The following GNAQ variants were observed in gnomAD, a reference collection of about 807,000 sequenced individuals.
GNAQ encodes guanine nucleotide-binding protein G(q) subunit alpha.
Under a neutral mutation model 43.9 loss-of-function variants are expected in GNAQ, and 8 were observed. The ratio of observed to expected loss-of-function variants is 0.18; its 90% CI spans 0.11 to 0.33. GNAQ has a LOEUF of 0.33. GNAQ is among the 10% of genes least tolerant of loss of function. GNAQ has a pLI of 1.00. For synonymous variants in GNAQ, 155 were observed against 170.7 expected (o/e 0.91, Z 0.71); for missense variants, 158 against 450.8 (o/e 0.35, Z 5.88).
chr9:77,743,141 C>T (rs1825678780), intron 5 of GNAQ, among the ~76,000 whole-genome samples: 1 of 152,094 alleles, frequency 6.6e-6, no homozygotes, highest in Non-Finnish European at 1.5e-5. Flanking sequence ...GCCTGTAGTC[C>T]CAGCTACTCA....
chr9:77,882,642 G>A (rs1230786011), intron 2 of GNAQ, among the ~76,000 whole-genome samples: 1 of 152,062 alleles, frequency 6.6e-6, no homozygotes, highest in African/African-American at 2.4e-5. Flanking sequence ...TTCACCACGA[G>A]GTTCATGAAA....
rs1362009464 is a variant in GNAQ, at chr9:77,815,700, G to C, written c.392C>G (p.Ala131Gly). The change falls in exon 3 of 7, where the codon GCA (alanine) becomes GGA (glycine). Residue 131 changes from alanine to glycine, a missense_variant. Physicochemically the swap from Ala to Gly is moderately conservative, Grantham distance 60. Around this residue, in one of 9 missense-constraint regions of GNAQ, gnomAD observed 57 missense variants for 78.2 expected, o/e 0.73. Coordinates refer to ENST00000286548, the MANE Select transcript of GNAQ (RefSeq NM_002072.5). ...AGGATCATTCCATAAACTCTTTATT[G>C]CATCTACATATGGATTCTCAAAAGC... ...VSAFENPYVD[A>G]IKSLWNDPGI... 1 of 1,593,086 alleles carries C rather than the reference G, an allele frequency of 6.3e-7. No homozygotes were observed. Among genetic ancestry groups the C allele is most frequent in the Non-Finnish European group, 8.6e-7 (1 of 1,161,264 alleles).
At position 77,815,756 on chromosome 9, in the gene GNAQ, T is replaced by G; in HGVS notation, c.336A>C (p.Leu112Phe). Residue 112 changes from leucine to phenylalanine, a missense_variant, in exon 3 of 7, where the codon TTA becomes TTC. Transcript: ENST00000286548. ...CCTTCTCCACATCAACTTCTCGAAC[T>G]AATTGTGCATGAGCCTGTTTAAATA... ...KYEHNKAHAQLVREVDVEKVS... is the reference protein window; with the variant it reads ...KYEHNKAHAQFVREVDVEKVS... The G allele has an allele frequency of 6.2e-7, 1 of 1,611,442 alleles. No individual in the cohort carries two copies. The highest frequency in any genetic ancestry group is 8.5e-7 in the Non-Finnish European group (1 of 1,178,198).
chr9:77,951,707 C>T (rs1822979974), intron 1 of GNAQ, among the ~76,000 whole-genome samples: 1 of 152,176 alleles, frequency 6.6e-6, no homozygotes, highest in South Asian at 2.1e-4. Context: ...CATAGATGAG[C>T]TCCAAGGCCT....
At chr9:77,807,873 T>C (rs943977329) in intron 3 of GNAQ, among the ~76,000 whole-genome samples, 3 of 152,190 alleles carry the variant, frequency 2.0e-5, no homozygotes, top group African/African-American at 7.2e-5. Context: ...GTTACAACTA[T>C]CTGACTCTCC....
chr9:77,757,271 T>C (rs1363944059), intron 5 of GNAQ, among the ~76,000 whole-genome samples: 1 of 152,222 alleles, frequency 6.6e-6, no homozygotes, highest in East Asian at 1.9e-4. Flanking sequence ...CAACTTTTTT[T>C]CTAAATCGGC....
At chr9:78,013,678 A>G (rs902210267) in intron 1 of GNAQ, among the ~76,000 whole-genome samples, 12 of 152,218 alleles carry the variant, frequency 7.9e-5, no homozygotes, top group African/African-American at 2.7e-4. Flanking sequence ...TAATTTGTCT[A>G]TAACAGACAG....
intron 1 of GNAQ, among the ~76,000 whole-genome samples, chr9:78,003,334 T>C (rs1242749144): frequency 6.6e-6 from 1 of 152,180 alleles, no homozygotes; most frequent in African/African-American, 2.4e-5. Context: ...TCTATCTTCA[T>C]CTTAAAAATA....
intron 6 of GNAQ, among the ~76,000 whole-genome samples, chr9:77,727,659 T>C (rs184367275): frequency 6.6e-6 from 1 of 152,340 alleles, no homozygotes; most frequent in Admixed American, 6.5e-5. Context: ...ATAAGTGTCC[T>C]ACGTGTCAGG....
At chr9:77,845,834 G>A (rs1827574940) in intron 2 of GNAQ, among the ~76,000 whole-genome samples, 1 of 152,218 alleles carries the variant, frequency 6.6e-6, no homozygotes. Flanking sequence ...CCTGAGGGCA[G>A]AAAGGCCAAG....
At chr9:77,762,333 C>T (rs1377117066) in intron 5 of GNAQ, among the ~76,000 whole-genome samples, 22 of 133,732 alleles carry the variant, frequency 1.6e-4, no homozygotes, top group African/African-American at 5.8e-4. Context: ...AGCCGCCCCA[C>T]CTGGGAGGTG....
intron 3 of GNAQ, among the ~76,000 whole-genome samples, chr9:77,806,085 C>A (rs1826825685): frequency 6.6e-6 from 1 of 151,780 alleles, no homozygotes; most frequent in Non-Finnish European, 1.5e-5. Context: ...GTGTAGTGCT[C>A]CAAAAAATAA....
At chr9:77,745,386 G>A (rs1808788) in intron 5 of GNAQ, among the ~76,000 whole-genome samples, 90,716 of 151,760 alleles carry the variant, frequency 0.6, 28,905 homozygotes, top group Non-Finnish European at 0.72. Context: ...CTAAGCAAAC[G>A]CACCGCAGTG....
chr9:77,940,701 CTCACGCCTGTA>C (rs1315058999), intron 1 of GNAQ, among the ~76,000 whole-genome samples: 4 of 152,224 alleles, frequency 2.6e-5, no homozygotes, highest in African/African-American at 9.6e-5. Context: ...CGCGCGGTGG[CTCACGCCTGTA>C]ATCCCAGCAC....
intron 5 of GNAQ, among the ~76,000 whole-genome samples, chr9:77,744,310 T>TAA (rs1392823687): frequency 6.6e-6 from 1 of 152,188 alleles, no homozygotes; most frequent in Non-Finnish European, 1.5e-5. Context: ...ATCCGACTTC[T>TAA]CCATCACATT....
rs567999800 is a variant in GNAQ, at chr9:77,850,950, A to G, written c.322-35180T>C. 4.6e-5 allele frequency among the ~76,000 whole-genome samples: 7 copies of G among 152,174 alleles called. No homozygotes were observed. In the East Asian group the frequency reaches 7.8e-4, roughly 17 times the overall value. The stretch of plus-strand genomic sequence containing the variant: ...GTCTTAGAGCTCCTGGGGAACAAGG[A>G]CCACCATTGCTCTTTTCTCCTCTTC... On this transcript the variant is annotated intron_variant, in intron 2 of 6. Coordinates refer to ENST00000286548, the MANE Select transcript of GNAQ (RefSeq NM_002072.5).
chr9:78,001,499 T>C (rs780828326), intron 1 of GNAQ, among the ~76,000 whole-genome samples: 18 of 152,068 alleles, frequency 1.2e-4, no homozygotes, highest in Non-Finnish European at 2.1e-4. Flanking sequence ...ATTTAATAAG[T>C]ACAGATTCTA....
At chr9:77,998,529 G>T (rs1278634981) in intron 1 of GNAQ, among the ~76,000 whole-genome samples, 2 of 152,126 alleles carry the variant, frequency 1.3e-5, no homozygotes, top group Non-Finnish European at 2.9e-5. Flanking sequence ...ACTGCAAACA[G>T]CTGAATCTGA....
In GNAQ at chr9:77,956,473, T is replaced by C. The variant is rs536747141; in HGVS notation, c.137-34128A>G. Among the ~76,000 whole-genome samples the C allele has an allele frequency of 1.6e-3, 242 of 152,310 alleles. 2 individuals carry two copies. The highest frequency in any genetic ancestry group is 4.9e-3 in the African/African-American group (205 of 41,570). On this transcript the variant is annotated intron_variant, in intron 1 of 6. Coordinates refer to ENST00000286548, the MANE Select transcript of GNAQ (RefSeq NM_002072.5). ...GCTTCCAAATCCAGAAGACTAATATTACCCTTTTAGTATAGGATCCCTCAC... is the reference window on the plus strand; with the variant it reads ...GCTTCCAAATCCAGAAGACTAATATCACCCTTTTAGTATAGGATCCCTCAC...
Sources: gnomAD v4.1 joint callset for allele counts (sites outside exome capture counted in the v4.1 genomes callset) on GRCh38, gnomAD v4.1.1 for gene constraint, gnomAD v4.1.1 regional missense constraint, MANE v1.5 for transcripts, NCBI Gene and HGNC (gene_info 2026-07-23, HGNC 2026-07-21) for gene names.